Variants in FAM3D observed in about 807,000 individuals in gnomAD.
The protein encoded by FAM3D is protein FAM3D.
In FAM3D, 26 loss-of-function variants were observed where a neutral mutation model predicts 29.8. That is an observed-to-expected ratio of 0.87 (90% CI 0.64 to 1.21). The LOEUF (loss-of-function observed/expected upper bound fraction) is 1.21, where lower values mean the gene tolerates loss of function less well. FAM3D is among the 50% of genes most tolerant of loss of function. FAM3D has a pLI of 0.00. For missense variants in FAM3D, 253 were observed against 290.9 expected (o/e 0.87, Z 0.95); for synonymous variants, 115 against 102.3 (o/e 1.12, Z -0.75).
chr3:58,654,769 C>G (rs185639245), intron 2 of FAM3D, among the ~76,000 whole-genome samples: 137 of 152,202 alleles, frequency 9.0e-4, no homozygotes, highest in Admixed American at 4.5e-3. Context: ...GGAGAAGGCC[C>G]GCCGGGTCCT....
At chr3:58,661,854 C>T (rs1197105139) in intron 1 of FAM3D, among the ~76,000 whole-genome samples, 2 of 152,236 alleles carry the variant, frequency 1.3e-5, no homozygotes, top group South Asian at 2.1e-4. Context: ...TCCTCGCACC[C>T]TCCATCCCCC....
chr3:58,646,140 T>C (rs1441327753), intron 4 of FAM3D, among the ~76,000 whole-genome samples: 3 of 152,234 alleles, frequency 2.0e-5, no homozygotes, highest in African/African-American at 7.2e-5. Context: ...ACTGGGTTCT[T>C]GTGAGGAATA....
intron 5 of FAM3D, among the ~76,000 whole-genome samples, chr3:58,644,721 A>G (rs1356605390): frequency 6.6e-6 from 1 of 152,086 alleles, no homozygotes; most frequent in Non-Finnish European, 1.5e-5. Context: ...AATATGTCAA[A>G]CCAGCTGGTG....
chr3:58,644,232 G>C (rs1305251788), intron 5 of FAM3D, among the ~76,000 whole-genome samples: 3 of 152,164 alleles, frequency 2.0e-5, no homozygotes, highest in Admixed American at 2.0e-4. Flanking sequence ...TACGTCCCCA[G>C]CTACAGCGAC....
chr3:58,637,147 C>T lies in FAM3D; in HGVS notation c.452G>A (p.Gly151Glu), dbSNP rs1271444359. 1 of 1,613,854 alleles carries T rather than the reference C, an allele frequency of 6.2e-7. No individual in the cohort carries two copies. ...LVLVASYDDP[G>E]TKMNDESRKL... ...GGTAGAGTTTTCTACTTACTTGGTC[C>T]CTGGATCGTCGTAGGAGGCCACCAG... Residue 151 changes from glycine to glutamate, a missense_variant, in exon 8 of 10, where the codon GGG (glycine) becomes GAG (glutamate). Physicochemically the swap from Gly to Glu is moderately conservative, Grantham distance 98. Transcript: ENST00000358781.
chr3:58,649,293 G>A (rs780220018), intron 4 of FAM3D, 22 bp downstream of exon 4: 3 of 1,612,640 alleles, frequency 1.9e-6, no homozygotes, highest in African/African-American at 2.7e-5. Flanking sequence ...CGGGGGAGGT[G>A]TGGGGCTGCA....
At chr3:58,659,991 C>G (rs2066901205) in intron 1 of FAM3D, among the ~76,000 whole-genome samples, 1 of 152,178 alleles carries the variant, frequency 6.6e-6, no homozygotes, top group South Asian at 2.1e-4. Flanking sequence ...CTTCAGGCTC[C>G]TTTCTGCTCC....
At chr3:58,637,718 C>G (rs2066215099) in intron 7 of FAM3D, among the ~76,000 whole-genome samples, 2 of 152,100 alleles carry the variant, frequency 1.3e-5, no homozygotes, top group African/African-American at 4.8e-5. Flanking sequence ...ACTATGAATA[C>G]AACTCTCCTG....
intron 3 of FAM3D, among the ~76,000 whole-genome samples, chr3:58,651,363 T>C (rs976474250): frequency 4.6e-5 from 7 of 152,222 alleles, no homozygotes; most frequent in Non-Finnish European, 7.3e-5. Flanking sequence ...AAATGAAAAT[T>C]ACTCCCTTCA....
At chr3:58,654,945 T>C (rs1025877680) in intron 2 of FAM3D, among the ~76,000 whole-genome samples, 4 of 152,210 alleles carry the variant, frequency 2.6e-5, no homozygotes, top group Admixed American at 6.5e-5. Context: ...GTTCATTCTC[T>C]GAGTAACCCT....
At chr3:58,637,072 G>T in intron 8 of FAM3D, 69 bp downstream of exon 8, 2 of 1,321,746 alleles carry the variant, frequency 1.5e-6, no homozygotes, top group Non-Finnish European at 2.2e-6. Flanking sequence ...AGCAGAAAAG[G>T]GTGTGCAGGG....
intron 1 of FAM3D, among the ~76,000 whole-genome samples, chr3:58,665,235 C>T (rs2067007408): frequency 6.6e-6 from 1 of 152,138 alleles, no homozygotes; most frequent in African/African-American, 2.4e-5. Context: ...CCTCCCTAGC[C>T]TGTGCAGACC....
At chr3:58,636,017 G>A (rs988602362) in intron 9 of FAM3D, among the ~76,000 whole-genome samples, 5 of 152,196 alleles carry the variant, frequency 3.3e-5, no homozygotes, top group African/African-American at 1.2e-4. Flanking sequence ...TGCCTCACTT[G>A]CCCATCATCC....
intron 4 of FAM3D, among the ~76,000 whole-genome samples, chr3:58,646,504 G>A (rs979658969): frequency 2.0e-5 from 3 of 152,226 alleles, no homozygotes; most frequent in African/African-American, 4.8e-5. Context: ...GATGACACCC[G>A]CCCTTGCAGC....
chr3:58,648,341 C>T (rs374737247), intron 4 of FAM3D, among the ~76,000 whole-genome samples: 1 of 152,152 alleles, frequency 6.6e-6, no homozygotes, highest in East Asian at 1.9e-4. Flanking sequence ...ATTTTGGGAG[C>T]CACAGCCCTC....
chr3:58,655,022 C>T (rs2066751194), intron 2 of FAM3D, among the ~76,000 whole-genome samples: 1 of 152,146 alleles, frequency 6.6e-6, no homozygotes, highest in Admixed American at 6.5e-5. Flanking sequence ...CACTTCCCCA[C>T]TGTCACTTGG....
In FAM3D at chr3:58,640,038, C is replaced by T. The variant is rs1575471781; in HGVS notation, c.373+89G>A. On this transcript the variant is annotated intron_variant, in intron 7 of 9. Transcript: ENST00000358781. ...CTGTGGAAAGAAGCACCAGGTACCTCGAGCCACCAGGTCCCTTGCCACATG... is the reference window on the plus strand; with the variant it reads ...CTGTGGAAAGAAGCACCAGGTACCTTGAGCCACCAGGTCCCTTGCCACATG... 19 of 1,430,250 alleles carry T rather than the reference C, an allele frequency of 1.3e-5. No homozygotes were observed. In the East Asian group the frequency reaches 1.6e-4, roughly 12 times the overall value. The allele number at this position is 1,430,250 out of a possible 1,614,324, so 88.6% of individuals were successfully genotyped here. A position where few individuals can be genotyped will look rare whatever the true frequency, so the allele number is the denominator to read the frequency against.
At chr3:58,655,710 T>G (rs533401531) in intron 1 of FAM3D, 109 bp from the exon 2 acceptor site, 8 of 891,654 alleles carry the variant, frequency 9.0e-6, no homozygotes, top group Non-Finnish European at 1.3e-5. Context: ...ATTCTTTCAG[T>G]TGGGTTCCTC....
chr3:58,652,941 C>G (rs374025194), intron 3 of FAM3D, among the ~76,000 whole-genome samples: 1 of 150,438 alleles, frequency 6.6e-6, no homozygotes, highest in East Asian at 2.0e-4. Context: ...TCCAACTACC[C>G]ATCCATCCAC....
Sources: allele counts gnomAD v4.1 joint callset (sites outside exome capture counted in the v4.1 genomes callset), GRCh38; gene constraint gnomAD v4.1.1; transcripts MANE v1.5; gene names NCBI Gene and HGNC (gene_info 2026-07-23, HGNC 2026-07-21).